The following NGEF variants were observed in gnomAD, a reference collection of about 807,000 sequenced individuals.
NGEF encodes ephexin-1.
In NGEF, 31 loss-of-function variants were observed where a neutral mutation model predicts 80.9. The observed-to-expected ratio is 0.38, with a 90% CI of 0.29 to 0.52. NGEF has a LOEUF of 0.52. Among genes scored for constraint, NGEF ranks in the 20% least tolerant of loss-of-function variants. The pLI is 0.84. For missense variants in NGEF, 709 were observed against 926.2 expected (o/e 0.77, Z 3.04); for synonymous variants, 371 against 370.2 (o/e 1.00, Z -0.03).
At chr2:232,921,779 C>T (rs1692949543) in intron 4 of NGEF, among the ~76,000 whole-genome samples, 1 of 152,184 alleles carries the variant, frequency 6.6e-6, no homozygotes, top group Non-Finnish European at 1.5e-5. Context: ...GTGCCTGGTC[C>T]TGTCTGCATT....
chr2:232,982,869 T>G (rs1055144025), intron 1 of NGEF, among the ~76,000 whole-genome samples: 1 of 152,188 alleles, frequency 6.6e-6, no homozygotes, highest in African/African-American at 2.4e-5. Flanking sequence ...CAGGAGGATT[T>G]AGACAGAGGA....
intron 2 of NGEF, among the ~76,000 whole-genome samples, chr2:232,973,417 C>T (rs958860878): frequency 3.9e-5 from 6 of 152,302 alleles, no homozygotes; most frequent in South Asian, 2.1e-4. Flanking sequence ...ATTCTACCAC[C>T]GTGGAGTGGT....
intron 1 of NGEF, among the ~76,000 whole-genome samples, chr2:233,011,144 G>T (rs186533065): frequency 6.6e-6 from 1 of 152,156 alleles, no homozygotes; most frequent in African/African-American, 2.4e-5. Context: ...GGCCTCGGGG[G>T]TGTGGGACAC....
At chr2:232,928,281 G>T in intron 3 of NGEF, 2 of 607,992 alleles carry the variant, frequency 3.3e-6, no homozygotes, top group Non-Finnish European at 4.1e-6. Context: ...GGCGCGACCC[G>T]GGCCCCGCGA....
At chr2:232,979,820 T>G (rs932356700) in intron 1 of NGEF, among the ~76,000 whole-genome samples, 1 of 152,132 alleles carries the variant, frequency 6.6e-6, no homozygotes, top group African/African-American at 2.4e-5. Flanking sequence ...CTGTTGTTCC[T>G]GATGCCGGCC....
chr2:232,971,284 C>T (rs1347083389), intron 2 of NGEF, among the ~76,000 whole-genome samples: 1 of 152,178 alleles, frequency 6.6e-6, no homozygotes, highest in Non-Finnish European at 1.5e-5. Flanking sequence ...TCTTTCTCAC[C>T]ATGTAGGTCA....
At chr2:232,974,591 G>A (rs764752092) in intron 2 of NGEF, 32 bp downstream of exon 2, 2 of 1,604,368 alleles carry the variant, frequency 1.2e-6, no homozygotes, top group African/African-American at 1.3e-5. Flanking sequence ...GGATGTAAGG[G>A]AACAGCCGTG....
chr2:232,906,205 CGGGAAGGAGGTGGGGGGGGGTCA>C (rs2106260319), intron 5 of NGEF, among the ~76,000 whole-genome samples: 1 of 26,494 alleles, frequency 3.8e-5, no homozygotes, highest in African/African-American at 1.5e-4. Context: ...CCGCCCCGTC[CGGGAAGGAGGTGGGGGGGGGTCA>C]GCCCCCCGCC....
Position 232,884,020 on chromosome 2 carries a change from A to C in NGEF, c.1562T>G (p.Leu521Arg). 3 of 1,612,278 alleles carry C rather than the reference A, an allele frequency of 1.9e-6. No homozygotes were observed. Among genetic ancestry groups the C allele is most frequent in the Non-Finnish European group, 2.5e-6 (3 of 1,179,392 alleles). Residue 521 changes from leucine to arginine, a missense_variant, in exon 11 of 15, where the codon CTG becomes CGG. Around this residue, in one of 2 missense-constraint regions of NGEF, gnomAD observed 426 missense variants for 622.9 expected, o/e 0.68. Coordinates refer to ENST00000264051, the MANE Select transcript of NGEF (RefSeq NM_019850.3). The stretch of plus-strand genomic sequence containing the variant: ...GCAGATCACCAGCAGGTCGTTGAAC[A>C]GGAAGAGGTAAATTTCGTGGAAGAG... Reference protein sequence around the residue: ...KKLFHEIYLFLFNDLLVICRQ... With the variant: ...KKLFHEIYLFRFNDLLVICRQ...
At position 232,937,528 on chromosome 2, in the gene NGEF, C is replaced by T. The variant is rs966792342; in HGVS notation, c.384-10342G>A. Among the ~76,000 whole-genome samples, 4 of 152,194 alleles carry T rather than the reference C, an allele frequency of 2.6e-5. No homozygotes were observed. In the East Asian group the frequency reaches 7.7e-4, roughly 29 times the overall value. ...CACTCCTGACAGCTCCCAGGCCTTG[C>T]TCTGTCTTCTGTTAGCACTGCCTGC... On this transcript the variant is annotated intron_variant, in intron 3 of 14. Coordinates refer to ENST00000264051, the MANE Select transcript of NGEF (RefSeq NM_019850.3).
intron 3 of NGEF, among the ~76,000 whole-genome samples, chr2:232,959,830 C>T (rs745996001): frequency 4.6e-5 from 7 of 152,186 alleles, no homozygotes; most frequent in East Asian, 1.9e-4. Context: ...CTGCCCGCCT[C>T]GGCCTCCCAA....
intron 12 of NGEF, 51 bp downstream of exon 12, chr2:232,883,260 C>A: frequency 6.5e-7 from 1 of 1,539,188 alleles, no homozygotes; most frequent in East Asian, 2.3e-5. Context: ...ATCGAGGCCA[C>A]ACAGAAAGGT....
chr2:232,938,908 T>C (rs533011337), intron 3 of NGEF, among the ~76,000 whole-genome samples: 1 of 151,794 alleles, frequency 6.6e-6, no homozygotes, highest in South Asian at 2.1e-4. Context: ...AGGCCGGGTG[T>C]GGTGGCTCAT....
intron 3 of NGEF, among the ~76,000 whole-genome samples, chr2:232,953,014 G>A (rs1169723576): frequency 1.4e-5 from 2 of 138,992 alleles, no homozygotes; most frequent in African/African-American, 5.3e-5. Context: ...AAAAAGCAAA[G>A]TGATTGGGGC....
chr2:232,887,953 T>TG, intron 9 of NGEF, 80 bp downstream of exon 9: 1 of 1,062,466 alleles, frequency 9.4e-7, no homozygotes, highest in Non-Finnish European at 1.5e-6. Context: ...CACGGACATG[T>TG]GGGGAGCAGG....
At chr2:232,891,903 G>A (rs936195327) in intron 7 of NGEF, among the ~76,000 whole-genome samples, 2 of 152,064 alleles carry the variant, frequency 1.3e-5, no homozygotes, top group Non-Finnish European at 2.9e-5. Context: ...CGGTGGGCTG[G>A]GCCACAGCGC....
At chr2:233,003,439 G>C (rs909802308) in intron 1 of NGEF, among the ~76,000 whole-genome samples, 1 of 152,126 alleles carries the variant, frequency 6.6e-6, no homozygotes, top group Non-Finnish European at 1.5e-5. Flanking sequence ...GCAATGGTTC[G>C]CAGCTTAGAT....
At chr2:232,911,875 A>G (rs969200646) in intron 5 of NGEF, among the ~76,000 whole-genome samples, 1 of 152,188 alleles carries the variant, frequency 6.6e-6, no homozygotes, top group African/African-American at 2.4e-5. Flanking sequence ...GCTAAAAATC[A>G]CTATTAGTTC....
At chr2:232,882,293 A>C (rs751157571) in intron 12 of NGEF, 28 bp from the exon 13 acceptor site, 6 of 1,598,874 alleles carry the variant, frequency 3.8e-6, no homozygotes, top group Non-Finnish European at 5.1e-6. Flanking sequence ...ACAGTGCCCC[A>C]ACTGCAGATC....
Sources: gnomAD v4.1 joint callset for allele counts (sites outside exome capture counted in the v4.1 genomes callset) on GRCh38, gnomAD v4.1.1 for gene constraint, gnomAD v4.1.1 regional missense constraint, MANE v1.5 for transcripts, NCBI Gene and HGNC (gene_info 2026-07-23, HGNC 2026-07-21) for gene names.